Variants in NUDT1 observed in about 807,000 individuals in gnomAD.
The protein encoded by NUDT1 is nudix hydrolase 1.
In NUDT1, 16 loss-of-function variants were observed where a neutral mutation model predicts 11.3. That is an observed-to-expected ratio of 1.41 (90% confidence interval 0.96 to 2.15). NUDT1 has a LOEUF of 2.15. Ranked by LOEUF, NUDT1 falls within the 30% of genes most tolerant of loss-of-function variation. NUDT1 has a pLI of 0.00. For missense variants in NUDT1, 234 were observed against 208.4 expected (o/e 1.12, Z -0.76); for synonymous variants, 101 against 84.4 (o/e 1.20, Z -1.08).
chr7:2,250,141 G>A lies in NUDT1; in HGVS notation c.298+139G>A, dbSNP rs548846836. On this transcript the variant is annotated intron_variant, in intron 3 of 3. Coordinates refer to ENST00000356714, the MANE Select transcript of NUDT1 (RefSeq NM_002452.4). ...TCCCCCTCCACCCCACAGTGCCAGCGTGGGGCCCATGAGCCGTGGTCTCTG... is the reference window on the plus strand; with the variant it reads ...TCCCCCTCCACCCCACAGTGCCAGCATGGGGCCCATGAGCCGTGGTCTCTG... 205 of 1,137,604 alleles carry A rather than the reference G, an allele frequency of 1.8e-4. 1 individual carries two copies. The highest frequency in any genetic ancestry group is 1.4e-3 in the Middle Eastern group (5 of 3,644). The allele number at this position is 1,137,604 out of a possible 1,614,324, so 70.5% of individuals were successfully genotyped here. A position where few individuals can be genotyped will look rare whatever the true frequency, so the allele number is the denominator to read the frequency against.
At chr7:2,243,134 G>GGCCTGCTGGT in intron 1 of NUDT1, 1 of 637,830 alleles carries the variant, frequency 1.6e-6, no homozygotes, top group South Asian at 1.8e-5. Flanking sequence ...ATCAGTTGAT[G>GGCCTGCTGGT]GCCTGCTGGT....
At chr7:2,242,844 T>C in intron 1 of NUDT1, 1 of 674,116 alleles carries the variant, frequency 1.5e-6, no homozygotes, top group East Asian at 2.7e-5. Flanking sequence ...TCTTTCAGTT[T>C]AGCCTTGTAG....
chr7:2,244,454 C>T (rs1470915608), intron 1 of NUDT1, 109 bp from the exon 2 acceptor site: 6 of 803,224 alleles, frequency 7.5e-6, no homozygotes, highest in African/African-American at 5.3e-5. Flanking sequence ...TACAGCATAC[C>T]CCCCCGCCCC....
At chr7:2,244,861 T>A in intron 2 of NUDT1, 135 bp downstream of exon 2, 1 of 1,023,156 alleles carries the variant, frequency 9.8e-7, no homozygotes, top group Non-Finnish European at 1.4e-6. Context: ...AGCCTCAGTG[T>A]CTTCATCTCA....
At chr7:2,243,629 T>C (rs912625366) in intron 1 of NUDT1, among the ~76,000 whole-genome samples, 1 of 152,148 alleles carries the variant, frequency 6.6e-6, no homozygotes, top group Non-Finnish European at 1.5e-5. Flanking sequence ...AGAAATTAGC[T>C]GGGTGTGGCG....
At position 2,242,263 on chromosome 7, in the gene NUDT1, A is replaced by C; in HGVS notation, c.-13+7A>C. Reference sequence around the variant, plus strand: ...CCCGGAAGCGGCGGTGCAGGTACGAAAAGCGCGCGCGGGGATTCCAGGAGT... The same window carrying C: ...CCCGGAAGCGGCGGTGCAGGTACGACAAGCGCGCGCGGGGATTCCAGGAGT... On this transcript the variant is annotated splice_region_variant and intron_variant, in intron 1 of 3. Transcript: ENST00000356714. The C allele has an allele frequency of 2.3e-6, 3 of 1,288,886 alleles. No homozygotes were observed. The highest frequency in any genetic ancestry group is 3.0e-5 in the East Asian group (1 of 33,650). The allele number at this position is 1,288,886 out of a possible 1,614,324, so 79.8% of individuals were successfully genotyped here.
chr7:2,243,732 C>T (rs1344489965), intron 1 of NUDT1, among the ~76,000 whole-genome samples: 1 of 152,188 alleles, frequency 6.6e-6, no homozygotes, highest in Non-Finnish European at 1.5e-5. Context: ...GCGATCACGC[C>T]ACTCTCCTCC....
In NUDT1 at chr7:2,250,014, A is replaced by G. The variant is rs1554260301; in HGVS notation, c.298+12A>G. The G allele has an allele frequency of 2.5e-6, 4 of 1,613,576 alleles. No individual in the cohort carries two copies. Among genetic ancestry groups the G allele is most frequent in the Non-Finnish European group, 3.4e-6 (4 of 1,179,896 alleles). Reference sequence around the variant, plus strand: ...CGTGGAGAGCGACGGTGAGTCTCACAGGGCCTGCTCCCCCTCCCCACTATG... The same window carrying G: ...CGTGGAGAGCGACGGTGAGTCTCACGGGGCCTGCTCCCCCTCCCCACTATG... On this transcript the variant is annotated intron_variant, in intron 3 of 3. Coordinates refer to ENST00000356714, the MANE Select transcript of NUDT1 (RefSeq NM_002452.4).
rs538686319 is a variant in NUDT1 at position 2,250,932 on chromosome 7, C to T, written c.402C>T (p.His134=). The T allele has an allele frequency of 9.9e-6, 16 of 1,613,996 alleles. No homozygotes were observed. The highest frequency in any genetic ancestry group is 5.5e-5 in the South Asian group (5 of 91,072). ...TCCTGCTTCAGAAGAAGAAATTCCACGGGTACTTCAAGTTCCAGGGTCAGG... is the reference window on the plus strand; with the variant it reads ...TCCTGCTTCAGAAGAAGAAATTCCATGGGTACTTCAAGTTCCAGGGTCAGG... ...FPLLLQKKKF[H]GYFKFQGQDT... The change falls in exon 4 of 4, where the codon CAC becomes CAT. Residue 134 remains histidine (H), a synonymous_variant. Coordinates refer to ENST00000356714, the MANE Select transcript of NUDT1 (RefSeq NM_002452.4).
chr7:2,246,585 C>A (rs1344067059), intron 2 of NUDT1, among the ~76,000 whole-genome samples: 4 of 152,238 alleles, frequency 2.6e-5, no homozygotes. Flanking sequence ...AAAGCACAGG[C>A]CCCCTCGGCA....
In NUDT1 at chr7:2,244,598, C is replaced by T. The variant is rs774036258; in HGVS notation, c.24C>T (p.Thr8=). MGASRLY[T]LVLVLQPQRV... ...CCATGGGCGCCTCCAGGCTCTATAC[C>T]CTGGTGCTGGTCCTGCAGCCTCAGC... Residue 8 remains threonine, a synonymous_variant, in exon 2 of 4, where the codon ACC becomes ACT. Transcript: ENST00000356714. 1 of 1,610,198 alleles carries T rather than the reference C, an allele frequency of 6.2e-7. No individual in the cohort carries two copies. The highest frequency in any genetic ancestry group is 1.1e-5 in the South Asian group (1 of 90,544).
intron 1 of NUDT1, chr7:2,243,037 T>C: frequency 1.4e-6 from 1 of 717,024 alleles, no homozygotes; most frequent in Non-Finnish European, 2.6e-6. Context: ...AGAAGGCAGT[T>C]GGAGTGGGAA....
intron 3 of NUDT1, 43 bp downstream of exon 3, chr7:2,250,045 C>G (rs773816725): frequency 6.2e-7 from 1 of 1,606,076 alleles, no homozygotes; most frequent in Non-Finnish European, 8.5e-7. Context: ...CTATGCGGGT[C>G]CCATCTCCTG....
intron 2 of NUDT1, among the ~76,000 whole-genome samples, chr7:2,245,872 T>C (rs1184108078): frequency 4.0e-5 from 6 of 151,674 alleles, no homozygotes; most frequent in African/African-American, 1.5e-4. Context: ...ACTAAGCCGA[T>C]TTCCCGGGGT....
At chr7:2,250,184 C>T (rs1329292015) in intron 3 of NUDT1, among the ~76,000 whole-genome samples, 182 bp downstream of exon 3, 1 of 152,248 alleles carries the variant, frequency 6.6e-6, no homozygotes, top group Non-Finnish European at 1.5e-5. Context: ...GCTCCAGTAG[C>T]GTACCTGCCC....
chr7:2,249,586 T>C (rs1794898024), intron 2 of NUDT1: 2 of 513,804 alleles, frequency 3.9e-6, no homozygotes, highest in South Asian at 4.0e-5. Context: ...GGGCTAGAAC[T>C]GCGTTCCTCC....
At chr7:2,250,791 G>A (rs2115070514) in intron 3 of NUDT1, 38 bp from the exon 4 acceptor site, 2 of 1,613,330 alleles carry the variant, frequency 1.2e-6, no homozygotes, top group South Asian at 2.2e-5. Context: ...TGAAGTTTGG[G>A]TTGCACCTCA....
intron 2 of NUDT1, among the ~76,000 whole-genome samples, chr7:2,247,511 G>A (rs538760566): frequency 1.3e-5 from 2 of 152,190 alleles, no homozygotes; most frequent in African/African-American, 4.8e-5. Context: ...GACTAGCGAG[G>A]CCGGGGACAC....
intron 1 of NUDT1, chr7:2,242,874 T>C: frequency 1.4e-6 from 1 of 696,216 alleles, no homozygotes. Context: ...GTTAGTCAGC[T>C]GTTAGACTCC....
Sources: gnomAD v4.1 joint callset for allele counts (sites outside exome capture counted in the v4.1 genomes callset) on GRCh38, gnomAD v4.1.1 for gene constraint, MANE v1.5 for transcripts, NCBI Gene and HGNC (gene_info 2026-07-23, HGNC 2026-07-21) for gene names.